The following CTNNAL1 variants were observed in gnomAD, a reference collection of about 807,000 sequenced individuals.
CTNNAL1 encodes the protein alpha-catulin.
Under a neutral mutation model 93.6 loss-of-function variants are expected in CTNNAL1, and 69 were observed. The ratio of observed to expected loss-of-function variants is 0.74; its 90% CI spans 0.61 to 0.90. The LOEUF is 0.90. CTNNAL1 is among the 40% of genes least tolerant of loss of function. The pLI, the probability that CTNNAL1 is intolerant of heterozygous loss-of-function variation, is 0.00. For synonymous variants in CTNNAL1, 286 were observed against 305.4 expected (o/e 0.94, Z 0.66); for missense variants, 836 against 862.0 (o/e 0.97, Z 0.38).
chr9:108,949,965 A>G (rs1467764176), intron 14 of CTNNAL1, among the ~76,000 whole-genome samples: 1 of 149,898 alleles, frequency 6.7e-6, no homozygotes, highest in Non-Finnish European at 1.5e-5. Flanking sequence ...CGGAGGTTGC[A>G]GTGAGCCGAG....
At chr9:108,997,133 T>C (rs1278985397) in intron 2 of CTNNAL1, among the ~76,000 whole-genome samples, 1 of 152,224 alleles carries the variant, frequency 6.6e-6, no homozygotes, top group African/African-American at 2.4e-5. Flanking sequence ...TATCCCCCCC[T>C]GCTTCCCACA....
chr9:108,954,235 C>T (rs564543687), intron 12 of CTNNAL1, among the ~76,000 whole-genome samples: 3 of 152,134 alleles, frequency 2.0e-5, no homozygotes, highest in East Asian at 1.9e-4. Flanking sequence ...AGCTAAAAGA[C>T]GTCAGTCCCC....
At chr9:108,986,836 G>C (rs1055892003) in intron 4 of CTNNAL1, among the ~76,000 whole-genome samples, 2 of 152,196 alleles carry the variant, frequency 1.3e-5, no homozygotes, top group African/African-American at 4.8e-5. Context: ...CTTTTGAGAA[G>C]TGTCTGTTCA....
At chr9:108,985,772 G>T (rs1587974130) in intron 4 of CTNNAL1, among the ~76,000 whole-genome samples, 1 of 152,100 alleles carries the variant, frequency 6.6e-6, no homozygotes, top group Non-Finnish European at 1.5e-5. Context: ...CCACCTGTGG[G>T]TCTAGCTGAC....
intron 10 of CTNNAL1, 52 bp downstream of exon 10, chr9:108,970,350 A>T: frequency 6.7e-7 from 1 of 1,502,240 alleles, no homozygotes. Context: ...ACAACTTGTT[A>T]TAACACTCAG....
chr9:108,952,376 C>T lies in CTNNAL1; in HGVS notation c.1681-13G>A, dbSNP rs779379109. On this transcript the variant is annotated splice_polypyrimidine_tract_variant and intron_variant, in intron 13 of 18. Coordinates refer to ENST00000325551, the MANE Select transcript of CTNNAL1 (RefSeq NM_003798.4). ...TCTTGGCTTGCTCCTATGAAACAGA[C>T]GTTTTAATCACAACGACTTTATCAC... 82 of 1,613,970 alleles carry T rather than the reference C, an allele frequency of 5.1e-5. No individual in the cohort carries two copies. Among genetic ancestry groups the T allele is most frequent in the African/African-American group, 6.7e-5 (5 of 74,912 alleles).
intron 11 of CTNNAL1, among the ~76,000 whole-genome samples, chr9:108,960,273 A>G (rs1206125644): frequency 1.3e-5 from 2 of 152,198 alleles, no homozygotes; most frequent in East Asian, 1.9e-4. Flanking sequence ...TGACCAATAA[A>G]CCCTACCAAT....
intron 14 of CTNNAL1, 92 bp from the exon 15 acceptor site, chr9:108,948,326 A>AC: frequency 8.3e-7 from 1 of 1,201,466 alleles, no homozygotes; most frequent in Non-Finnish European, 1.2e-6. Context: ...TTTGTGTATT[A>AC]ACAAATCCTA....
intron 6 of CTNNAL1, among the ~76,000 whole-genome samples, chr9:108,982,169 A>G (rs906806631): frequency 1.9e-4 from 29 of 152,178 alleles, no homozygotes; most frequent in African/African-American, 7.0e-4. Context: ...GAGAAGTCAG[A>G]CTTCCTGGAG....
intron 1 of CTNNAL1, among the ~76,000 whole-genome samples, chr9:109,011,387 C>A (rs908731279): frequency 6.6e-6 from 1 of 151,412 alleles, no homozygotes; most frequent in Non-Finnish European, 1.5e-5. Flanking sequence ...AAAAAAAAGG[C>A]AGGCATTCTT....
chr9:109,005,927 C>T (rs1241993722), intron 1 of CTNNAL1, among the ~76,000 whole-genome samples: 3 of 152,136 alleles, frequency 2.0e-5, no homozygotes, highest in African/African-American at 7.2e-5. Context: ...ATGTTCAATC[C>T]AAATATAGTA....
chr9:108,947,405 G>C (rs775352726), intron 15 of CTNNAL1, among the ~76,000 whole-genome samples: 3 of 152,098 alleles, frequency 2.0e-5, no homozygotes, highest in Admixed American at 6.6e-5. Context: ...GAGCCACCGC[G>C]CCTGGCCTAA....
intron 1 of CTNNAL1, among the ~76,000 whole-genome samples, chr9:108,999,490 G>A (rs1197973638): frequency 6.6e-6 from 1 of 152,152 alleles, no homozygotes; most frequent in Non-Finnish European, 1.5e-5. Flanking sequence ...GGGGCATGCA[G>A]TTTATCTGGG....
chr9:108,971,391 T>C (rs578102936), intron 9 of CTNNAL1, among the ~76,000 whole-genome samples: 1 of 152,320 alleles, frequency 6.6e-6, no homozygotes, highest in Non-Finnish European at 1.5e-5. Context: ...CGTTTTTTGT[T>C]TGGTTGTTGA....
intron 3 of CTNNAL1, chr9:108,991,768 C>T (rs1831816244): frequency 3.0e-6 from 1 of 336,016 alleles, no homozygotes; most frequent in African/African-American, 2.2e-5. Flanking sequence ...CAACACTTAT[C>T]AAGTGGTTTT....
At chr9:108,952,867 T>C (rs752464808) in intron 12 of CTNNAL1, among the ~76,000 whole-genome samples, 3 of 152,248 alleles carry the variant, frequency 2.0e-5, no homozygotes, top group Admixed American at 2.0e-4. Flanking sequence ...AACAAGATTC[T>C]TATAATGCTT....
In CTNNAL1 at chr9:108,969,719, C is replaced by T. The variant is rs565339730; in HGVS notation, c.1440+683G>A. ...CCAGCCTGGTGTACAGTGACACAAT[C>T]ATAGCTCACTACAGCTTCAAACTCC... On this transcript the variant is annotated intron_variant, in intron 10 of 18. Transcript: ENST00000325551. Among the ~76,000 whole-genome samples, 8 of 152,340 alleles carry T rather than the reference C, an allele frequency of 5.3e-5. No homozygotes were observed. The South Asian group carries it at 1.7e-3, about 32-fold the overall frequency.
chr9:108,999,007 T>C (rs1832126450), intron 2 of CTNNAL1, 60 bp downstream of exon 2: 2 of 1,499,638 alleles, frequency 1.3e-6, no homozygotes, highest in Non-Finnish European at 1.8e-6. Context: ...CAATAATTTT[T>C]CATCATAACC....
At chr9:108,950,479 T>TC in intron 14 of CTNNAL1, 1 of 1,545,570 alleles carries the variant, frequency 6.5e-7, no homozygotes, top group Non-Finnish European at 8.7e-7. Context: ...AATTTCTAAC[T>TC]CCTATCATTT....
Sources: allele counts gnomAD v4.1 joint callset (sites outside exome capture counted in the v4.1 genomes callset), GRCh38; gene constraint gnomAD v4.1.1; transcripts MANE v1.5; gene names NCBI Gene and HGNC (gene_info 2026-07-23, HGNC 2026-07-21).